PARVA: variants seen among roughly 807,000 people sequenced by gnomAD.
The protein encoded by PARVA is parvin alpha, also known as alpha-parvin.
PARVA carries 25 observed loss-of-function variants against 52.6 expected under a neutral mutation model. The observed-to-expected ratio is 0.48, with a 90% CI of 0.35 to 0.66. The LOEUF (loss-of-function observed/expected upper bound fraction) is 0.66. Among genes scored for constraint, PARVA ranks in the 30% least tolerant of loss-of-function variants. PARVA has a pLI of 0.01. For synonymous variants in PARVA, 185 were observed against 179.1 expected, an observed-to-expected ratio of 1.03 and a Z score of -0.26; for missense variants, 373 against 450.9, an observed-to-expected ratio of 0.83 and a Z score of 1.56.
intron 1 of PARVA, among the ~76,000 whole-genome samples, chr11:12,455,314 C>T (rs551189487): frequency 3.3e-5 from 5 of 152,230 alleles, no homozygotes; most frequent in East Asian, 1.9e-4. Context: ...ATTTGACCAG[C>T]CAGAGATACA....
chr11:12,498,731 C>T (rs1419408269), intron 5 of PARVA, among the ~76,000 whole-genome samples: 5 of 152,154 alleles, frequency 3.3e-5, no homozygotes, highest in African/African-American at 7.2e-5. Context: ...TGCCCCACCA[C>T]GCCCACCTAA....
intron 1 of PARVA, among the ~76,000 whole-genome samples, chr11:12,402,682 G>A (rs1162878998): frequency 6.6e-6 from 1 of 152,144 alleles, no homozygotes; most frequent in Non-Finnish European, 1.5e-5. Context: ...ACCCATAGTA[G>A]GCTCTCAATA....
upstream of PARVA, chr11:12,377,348 G>A (rs1487236039): frequency 1.7e-6 from 2 of 1,173,434 alleles, no homozygotes; most frequent in African/African-American, 3.3e-5. Flanking sequence ...CTCCCAACCT[G>A]GGCACACACG....
chr11:12,473,794 C>T lies in PARVA; in HGVS notation c.186C>T (p.Ser62=). 1 of 1,572,030 alleles carries T rather than the reference C, an allele frequency of 6.4e-7. No homozygotes were observed. The highest frequency in any genetic ancestry group is 2.4e-5 in the East Asian group (1 of 42,418). ...TGAACGCCATCAACCTGCCCCTCAGCCCAATTCCCTTTGAGCTGGACCCCG... is the reference window on the plus strand; with the variant it reads ...TGAACGCCATCAACCTGCCCCTCAGTCCAATTCCCTTTGAGCTGGACCCCG... The part of the protein sequence containing the change: ...EGMNAINLPL[S]PIPFELDPED... Residue 62 remains serine (S), a synonymous_variant, in exon 2 of 13, where the codon AGC becomes AGT. Transcript: ENST00000334956.
chr11:12,421,876 C>A (rs748365105), intron 1 of PARVA, among the ~76,000 whole-genome samples: 1 of 152,202 alleles, frequency 6.6e-6, no homozygotes, highest in African/African-American at 2.4e-5. Context: ...AAACTAAGTT[C>A]TAGAAATATG....
Position 12,517,575 on chromosome 11 carries a change from C to G in PARVA, c.868-35C>G, listed in dbSNP as rs541213808. The G allele has an allele frequency of 6.1e-6, 9 of 1,468,218 alleles. No individual in the cohort carries two copies. In the South Asian group the frequency reaches 7.3e-5, roughly 12 times the overall value. The allele number at this position is 1,468,218 out of a possible 1,614,324, so 90.9% of individuals were successfully genotyped here. On this transcript the variant is annotated intron_variant, in intron 10 of 12. Transcript: ENST00000334956. ...CTGGATGGGGATTGGCTGGGAGGCT[C>G]AGGGGCCAGTGCCATCACCTGGCTC...
intron 4 of PARVA, among the ~76,000 whole-genome samples, chr11:12,492,227 A>G (rs180846412): frequency 1.1e-3 from 166 of 152,288 alleles, no homozygotes; most frequent in Non-Finnish European, 1.1e-3. Context: ...TTTTCTATAT[A>G]TAATCTCTCC....
chr11:12,494,627 T>C (rs1465727381), intron 4 of PARVA, among the ~76,000 whole-genome samples: 1 of 151,886 alleles, frequency 6.6e-6, no homozygotes, highest in East Asian at 1.9e-4. Context: ...GGAGGCAAGA[T>C]GTATATTTCT....
intron 1 of PARVA, among the ~76,000 whole-genome samples, chr11:12,395,871 C>T (rs770773871): frequency 1.3e-5 from 2 of 152,172 alleles, no homozygotes; most frequent in African/African-American, 2.4e-5. Context: ...ACAATTAAAA[C>T]CCTGCTTTCC....
intron 8 of PARVA, among the ~76,000 whole-genome samples, chr11:12,512,629 TATTTC>T (rs1185950712): frequency 6.6e-6 from 1 of 152,272 alleles, no homozygotes; most frequent in Non-Finnish European, 1.5e-5. Flanking sequence ...TATTTTGAAA[TATTTC>T]AATCATGCTA....
chr11:12,376,564 GTCTGC>G (rs1939391777), upstream of PARVA, among the ~76,000 whole-genome samples: 1 of 152,196 alleles, frequency 6.6e-6, no homozygotes, highest in Non-Finnish European at 1.5e-5. Flanking sequence ...CCAGCTGATC[GTCTGC>G]TCTTCAGTAA....
intron 1 of PARVA, among the ~76,000 whole-genome samples, chr11:12,443,975 C>T (rs779295751): frequency 1.3e-5 from 2 of 152,138 alleles, no homozygotes; most frequent in Admixed American, 1.3e-4. Context: ...TCATTTTCAG[C>T]GTGCCTTTGT....
intron 1 of PARVA, among the ~76,000 whole-genome samples, chr11:12,465,228 T>G (rs1460766324): frequency 6.6e-6 from 1 of 152,060 alleles, no homozygotes; most frequent in Non-Finnish European, 1.5e-5. Flanking sequence ...ACTGGTGGCT[T>G]TATAAGAAGA....
chr11:12,524,364 C>T (rs1288447817), intron 12 of PARVA, among the ~76,000 whole-genome samples: 3 of 152,220 alleles, frequency 2.0e-5, no homozygotes, highest in East Asian at 1.9e-4. Flanking sequence ...CTTCTGTGAA[C>T]ATAAAAATGT....
intron 12 of PARVA, among the ~76,000 whole-genome samples, chr11:12,522,638 T>TGAACTCCTGATCTCAGGTGATCC (rs1941652482): frequency 6.6e-6 from 1 of 152,008 alleles, no homozygotes; most frequent in Non-Finnish European, 1.5e-5. Context: ...AGGCTGGTCT[T>TGAACTCCTGATCTCAGGTGATCC]GAACTCCTGA....
intron 1 of PARVA, among the ~76,000 whole-genome samples, chr11:12,408,668 T>G (rs1248259530): frequency 2.0e-5 from 3 of 152,218 alleles, no homozygotes; most frequent in Non-Finnish European, 4.4e-5. Flanking sequence ...TAACAAATAT[T>G]TCTTAAGACC....
At chr11:12,408,735 G>C (rs1314826661) in intron 1 of PARVA, among the ~76,000 whole-genome samples, 2 of 152,182 alleles carry the variant, frequency 1.3e-5, no homozygotes, top group Non-Finnish European at 2.9e-5. Context: ...GAATAGGGTA[G>C]ACTAGGTTTC....
chr11:12,420,910 C>G (rs933349481), intron 1 of PARVA, among the ~76,000 whole-genome samples: 2 of 152,180 alleles, frequency 1.3e-5, no homozygotes, highest in East Asian at 3.8e-4. Flanking sequence ...CACCACCCCA[C>G]CCAGCGAGAA....
intron 4 of PARVA, among the ~76,000 whole-genome samples, chr11:12,488,296 G>A (rs1394775082): frequency 6.6e-6 from 1 of 152,168 alleles, no homozygotes; most frequent in African/African-American, 2.4e-5. Context: ...TAGATGTTCA[G>A]ATAAATCTTA....
Sources: allele counts gnomAD v4.1 joint callset (sites outside exome capture counted in the v4.1 genomes callset), GRCh38; gene constraint gnomAD v4.1.1; transcripts MANE v1.5; gene names NCBI Gene and HGNC (gene_info 2026-07-23, HGNC 2026-07-21).